The following RUNX2 variants were observed in gnomAD, a reference collection of about 807,000 sequenced individuals.
RUNX2 encodes the protein RUNX family transcription factor 2.
Under a neutral mutation model 51.7 loss-of-function variants are expected in RUNX2, and 10 were observed. The ratio of observed to expected loss-of-function variants is 0.19; its 90% CI spans 0.12 to 0.33. RUNX2 has a LOEUF of 0.33. RUNX2 is among the 10% of genes least tolerant of loss of function. The pLI is 1.00. For missense variants in RUNX2, 562 were observed against 691.3 expected, an observed-to-expected ratio of 0.81 and a Z score of 2.10; for synonymous variants, 276 against 273.6, an observed-to-expected ratio of 1.01 and a Z score of -0.09.
rs577103064 is a variant in RUNX2, at chr6:45,410,498, A to G, written c.59-12095A>G. On this transcript the variant is annotated intron_variant, in intron 2 of 8. Transcript: ENST00000647337. ...TTCATTCATTCATTCATCAACTAAT[A>G]TATATTGATCACATGCTACATGCCA... 7.2e-5 allele frequency among the ~76,000 whole-genome samples: 11 copies of G among 152,348 alleles called. No individual in the cohort carries two copies. In the South Asian group the frequency reaches 1.4e-3, roughly 20 times the overall value.
intron 2 of RUNX2, among the ~76,000 whole-genome samples, chr6:45,365,603 T>C (rs117505451): frequency 1.3e-5 from 2 of 149,804 alleles, no homozygotes; most frequent in East Asian, 2.0e-4. Context: ...CTAGAGCTCA[T>C]TGGTTTTCAA....
chr6:45,546,135 AG>A (rs1802392153), intron 8 of RUNX2, among the ~76,000 whole-genome samples: 1 of 151,948 alleles, frequency 6.6e-6, no homozygotes, highest in Non-Finnish European at 1.5e-5. Flanking sequence ...ATGATTCCTA[AG>A]GTACCAAGCC....
At chr6:45,422,403 A>T in intron 2 of RUNX2, 190 bp from the exon 3 acceptor site, 2 of 612,876 alleles carry the variant, frequency 3.3e-6, no homozygotes. Flanking sequence ...CTGTTGGCCC[A>T]TCAGACTCCG....
intron 7 of RUNX2, among the ~76,000 whole-genome samples, chr6:45,528,253 T>C (rs1205947908): frequency 1.3e-5 from 2 of 152,148 alleles, no homozygotes; most frequent in Non-Finnish European, 2.9e-5. Context: ...AGCCAAACCA[T>C]ATCAACATTC....
intron 2 of RUNX2, among the ~76,000 whole-genome samples, chr6:45,420,890 C>A (rs1798167956): frequency 6.6e-6 from 1 of 152,168 alleles, no homozygotes; most frequent in African/African-American, 2.4e-5. Context: ...TAGCCAGAGT[C>A]GTGTCTATAT....
chr6:45,335,169 G>T (rs987053609), intron 2 of RUNX2, among the ~76,000 whole-genome samples: 2 of 151,128 alleles, frequency 1.3e-5, no homozygotes, highest in African/African-American at 4.8e-5. Flanking sequence ...TATGATAATT[G>T]CTAGAATTAA....
At chr6:45,423,455 C>T (rs1798291267) in intron 3 of RUNX2, among the ~76,000 whole-genome samples, 2 of 152,258 alleles carry the variant, frequency 1.3e-5, no homozygotes, top group South Asian at 4.1e-4. Flanking sequence ...GGGCTCCGCG[C>T]GCTCTCACCC....
At chr6:45,475,890 A>G (rs1321528787) in intron 5 of RUNX2, among the ~76,000 whole-genome samples, 2 of 152,220 alleles carry the variant, frequency 1.3e-5, no homozygotes, top group Non-Finnish European at 2.9e-5. Context: ...CCATTACAAA[A>G]CGATGATAAT....
intron 2 of RUNX2, among the ~76,000 whole-genome samples, chr6:45,359,459 A>G (rs912700220): frequency 6.6e-6 from 1 of 152,188 alleles, no homozygotes; most frequent in Non-Finnish European, 1.5e-5. Flanking sequence ...CATTTCACAA[A>G]AAGTAAATGG....
Position 45,549,625 on chromosome 6 carries a change from T to G in RUNX2, c.*2320T>G, listed in dbSNP as rs1446164750. The G allele has an allele frequency of 2.7e-6, 1 of 368,506 alleles. No individual in the cohort carries two copies. Among genetic ancestry groups the G allele is most frequent in the East Asian group, 4.0e-5 (1 of 25,236 alleles). The allele number at this position is 368,506 out of a possible 1,614,324, so 22.8% of individuals were successfully genotyped here. A position where few individuals can be genotyped will look rare whatever the true frequency, so the allele number is the denominator to read the frequency against. ...ATATGTGTGTTTGTTTCAGCAGCAC[T>G]TAAAAAAGCCAGTGTCTGGTTACAC... On this transcript the variant is annotated 3_prime_UTR_variant, in exon 9 of 9. Transcript: ENST00000647337.
intron 2 of RUNX2, among the ~76,000 whole-genome samples, chr6:45,340,292 A>C (rs573123615): frequency 1.3e-5 from 2 of 152,150 alleles, no homozygotes; most frequent in Admixed American, 6.6e-5. Flanking sequence ...AAATAAAAGT[A>C]TATCAAGGAA....
intron 2 of RUNX2, among the ~76,000 whole-genome samples, chr6:45,392,321 A>G (rs1374009223): frequency 6.6e-6 from 1 of 152,128 alleles, no homozygotes; most frequent in Non-Finnish European, 1.5e-5. Context: ...CCTGGGCAAC[A>G]TTTTGTGAGA....
intron 7 of RUNX2, among the ~76,000 whole-genome samples, chr6:45,534,288 C>T (rs891240109): frequency 6.6e-6 from 1 of 152,060 alleles, no homozygotes; most frequent in Admixed American, 6.6e-5. Flanking sequence ...AAACCCAACG[C>T]GTTCACTTCA....
At chr6:45,365,382 T>C (rs1794960208) in intron 2 of RUNX2, 3 of 929,790 alleles carry the variant, frequency 3.2e-6, no homozygotes, top group Non-Finnish European at 4.9e-6. Flanking sequence ...CAAATATAAA[T>C]TACTTCAAAA....
At chr6:45,469,718 GT>G (rs1799741962) in intron 5 of RUNX2, among the ~76,000 whole-genome samples, 1 of 152,160 alleles carries the variant, frequency 6.6e-6, no homozygotes, top group African/African-American at 2.4e-5. Flanking sequence ...ACCACTATGG[GT>G]AATTCCCTCA....
intron 5 of RUNX2, among the ~76,000 whole-genome samples, chr6:45,485,697 G>GTATATATATATA (rs10677574): frequency 1.0e-3 from 105 of 104,058 alleles, no homozygotes; most frequent in African/African-American, 3.5e-3. Context: ...GTGTGTGTGT[G>GTATATATATATA]TATATATATA....
chr6:45,428,055 A>C (rs2677105), intron 3 of RUNX2, among the ~76,000 whole-genome samples: 127,418 of 151,952 alleles, frequency 0.84, 53,574 homozygotes, highest in South Asian at 0.93. Context: ...TTAAAAAAAC[A>C]TAGAAATGTA....
intron 5 of RUNX2, among the ~76,000 whole-genome samples, chr6:45,456,722 C>T (rs1336927323): frequency 3.9e-5 from 6 of 152,180 alleles, no homozygotes; most frequent in African/African-American, 1.4e-4. Flanking sequence ...ATGCTCAGAC[C>T]TGCCCTATGG....
At chr6:45,425,145 A>G (rs946845012) in intron 3 of RUNX2, among the ~76,000 whole-genome samples, 3 of 152,210 alleles carry the variant, frequency 2.0e-5, no homozygotes, top group Non-Finnish European at 4.4e-5. Context: ...AAATCAGAAT[A>G]TGTGAAAATA....
Sources: allele counts gnomAD v4.1 joint callset (sites outside exome capture counted in the v4.1 genomes callset), GRCh38; gene constraint gnomAD v4.1.1; transcripts MANE v1.5; gene names NCBI Gene and HGNC (gene_info 2026-07-23, HGNC 2026-07-21).